Variants in GNL3 observed in about 807,000 individuals in gnomAD.
GNL3 encodes guanine nucleotide-binding protein-like 3.
A neutral mutation model predicts 70.6 loss-of-function variants in GNL3; 77 were observed. The ratio of observed to expected loss-of-function variants is 1.09; its 90% CI spans 0.91 to 1.32. The LOEUF (loss-of-function observed/expected upper bound fraction) is 1.32, where lower values mean the gene tolerates loss of function less well. GNL3 is among the 40% of genes most tolerant of loss of function. The probability of loss-of-function intolerance (pLI) is 0.00; values close to 1 mark genes in which losing one functional copy is unlikely to be tolerated. For synonymous variants in GNL3, 252 were observed against 216.1 expected, an observed-to-expected ratio of 1.17 and a Z score of -1.46; for missense variants, 634 against 644.0, an observed-to-expected ratio of 0.98 and a Z score of 0.17.
At chr3:52,685,995 G>A (rs997363748), upstream of GNL3, 22 of 773,158 alleles carry the variant, frequency 2.8e-5, no homozygotes, top group Non-Finnish European at 2.4e-5. Context: ...GCACTTTACG[G>A]CGGCAGCGTA....
chr3:52,688,669 G>T (rs2097324499), intron 5 of GNL3, among the ~76,000 whole-genome samples: 2 of 152,152 alleles, frequency 1.3e-5, no homozygotes, highest in South Asian at 4.1e-4. Context: ...GGACAACTTG[G>T]TGTAGTTGCT....
rs766319598 is a variant in GNL3 at position 52,693,454 on chromosome 3, C to T, written c.1234C>T (p.Pro412Ser). ...CCATCCCCCTACATCTTGGACTCCT[C>T]CTCCATATTTTAATGAGAGTATTGT... Reference protein sequence around the residue: ...YCHPPTSWTPPPYFNESIVVD... With the variant: ...YCHPPTSWTPSPYFNESIVVD... Residue 412 changes from proline (P) to serine (S), a missense_variant, in exon 12 of 15, where the codon CCT becomes TCT. Coordinates refer to ENST00000418458, the MANE Select transcript of GNL3 (RefSeq NM_014366.5). The T allele has an allele frequency of 4.3e-6, 7 of 1,613,924 alleles. No individual in the cohort carries two copies. The highest frequency in any genetic ancestry group is 1.7e-5 in the Admixed American group (1 of 60,020).
rs2154099858 is a variant in GNL3, at chr3:52,694,387, T to G, written c.*112T>G. The G allele has an allele frequency of 1.6e-6, 1 of 633,168 alleles. No homozygotes were observed. The highest frequency in any genetic ancestry group is 2.1e-5 in the South Asian group (1 of 47,906). The allele number at this position is 633,168 out of a possible 1,614,324, so 39.2% of individuals were successfully genotyped here. A position where few individuals can be genotyped will look rare whatever the true frequency, so the allele number is the denominator to read the frequency against. ...CTGTGTAAATTTTGTGAATATGTATTATATTAAAACCAGGCAACTTGGAAT... is the reference window on the plus strand; with the variant it reads ...CTGTGTAAATTTTGTGAATATGTATGATATTAAAACCAGGCAACTTGGAAT... On this transcript the variant is annotated 3_prime_UTR_variant, in exon 15 of 15. Coordinates refer to ENST00000418458, the MANE Select transcript of GNL3 (RefSeq NM_014366.5).
Position 52,693,308 on chromosome 3 carries a change from T to A in GNL3, c.1166T>A (p.Leu389Gln), listed in dbSNP as rs767060566. 2.4e-5 allele frequency: 39 copies of A among 1,614,092 alleles called. No individual in the cohort carries two copies. The Admixed American group carries it at 6.3e-4, about 26-fold the overall frequency. The change falls in exon 11 of 15, where the codon CTG becomes CAG. Residue 389 changes from leucine to glutamine, a missense_variant. Leu to Gln is a moderately radical substitution (Grantham distance 113, BLOSUM62 -2). Transcript: ENST00000418458. ...CCAAATGTTGAAGGTGCTGCCAAAC[T>A]GCTGTGGTCTGAGTGGACAGGGTAA... Reference protein sequence around the residue: ...GIPNVEGAAKLLWSEWTGASL... With the variant: ...GIPNVEGAAKQLWSEWTGASL...
chr3:52,691,487 T>A, intron 8 of GNL3, 55 bp from the exon 9 acceptor site: 2 of 1,052,534 alleles, frequency 1.9e-6, no homozygotes, highest in Admixed American at 3.6e-5. Flanking sequence ...AGTGAAAATT[T>A]CATAAGTGCC....
Position 52,686,687 on chromosome 3 carries a change from CAAG to C in GNL3, c.14-79_14-77del, listed in dbSNP as rs2097314051. The C allele has an allele frequency of 5.7e-6, 6 of 1,048,188 alleles. No individual in the cohort carries two copies. In the Admixed American group the frequency reaches 9.6e-5, roughly 17 times the overall value. 64.9% of individuals were successfully genotyped at this position (1,048,188 alleles called of 1,614,324 possible). A position where few individuals can be genotyped will look rare whatever the true frequency, so the allele number is the denominator to read the frequency against. On this transcript the variant is annotated intron_variant, in intron 1 of 14. Transcript: ENST00000418458. ...ACGTTAGGTTTGGTAGCCAATAACA[CAAG>C]AAAAGGATATAACTCCATAGTGCGT...
In GNL3 at chr3:52,693,222, T is replaced by A. The variant is rs753758837; in HGVS notation, c.1080T>A (p.Asn360Lys). 6.2e-7 allele frequency: 1 copy of A among 1,613,802 alleles called. No individual in the cohort carries two copies. The highest frequency in any genetic ancestry group is 2.2e-5 in the East Asian group (1 of 44,882). The change falls in exon 11 of 15, where the codon AAT becomes AAA. Residue 360 changes from asparagine to lysine, a missense_variant. Transcript: ENST00000418458. The stretch of plus-strand genomic sequence containing the variant: ...AATATACTGTCCCAGGCTACAGGAA[T>A]TCTCTGGAATTTTTTACTGTGCTTG... Reference protein sequence around the residue: ...VLKYTVPGYRNSLEFFTVLAQ... With the variant: ...VLKYTVPGYRKSLEFFTVLAQ...
At chr3:52,692,637 C>G (rs546839284) in intron 9 of GNL3, 1 of 640,810 alleles carries the variant, frequency 1.6e-6, no homozygotes, top group East Asian at 3.1e-5. Context: ...ATATTTATAG[C>G]AAAGGAAATA....
chr3:52,690,833 C>A, intron 7 of GNL3, 112 bp from the exon 8 acceptor site: 1 of 1,220,762 alleles, frequency 8.2e-7, no homozygotes, highest in South Asian at 1.3e-5. Flanking sequence ...CAGAGATCAT[C>A]TGAAAGGCAA....
chr3:52,686,628 G>A (rs1184568616), intron 1 of GNL3, 141 bp from the exon 2 acceptor site: 13 of 649,068 alleles, frequency 2.0e-5, no homozygotes, highest in Non-Finnish European at 3.0e-5. Flanking sequence ...AAAGTAGCAC[G>A]TATGTTTGCA....
intron 9 of GNL3, 137 bp downstream of exon 9, chr3:52,691,766 A>G: frequency 1.6e-6 from 1 of 610,928 alleles, no homozygotes; most frequent in Non-Finnish European, 2.9e-6. Context: ...GCAATGGCGC[A>G]ATCTCGGCTC....
chr3:52,687,986 A>C, intron 4 of GNL3, 123 bp from the exon 5 acceptor site: 1 of 689,436 alleles, frequency 1.5e-6, no homozygotes, highest in Non-Finnish European at 2.6e-6. Context: ...AAGACAACTG[A>C]GTTCAGACTC....
Position 52,689,222 on chromosome 3 carries a change from A to G in GNL3, c.541+16A>G. The G allele has an allele frequency of 6.2e-7, 1 of 1,609,342 alleles. No homozygotes were observed. The highest frequency in any genetic ancestry group is 8.5e-7 in the Non-Finnish European group (1 of 1,175,828). On this transcript the variant is annotated intron_variant, in intron 6 of 14. Coordinates refer to ENST00000418458, the MANE Select transcript of GNL3 (RefSeq NM_014366.5). ...AATAAATCAGGTGAGTAAAGAGGGT[A>G]CCCTTTGTCTTCTGTGTACATGGGT...
At chr3:52,690,569 G>C (rs1323328797) in intron 6 of GNL3, 23 bp from the exon 7 acceptor site, 2 of 1,398,580 alleles carry the variant, frequency 1.4e-6, no homozygotes, top group Non-Finnish European at 2.0e-6. Context: ...GGCCGCAAAT[G>C]TCTTATTTCT....
intron 1 of GNL3, 99 bp from the exon 2 acceptor site, chr3:52,686,670 T>G (rs1578561009): frequency 1.2e-6 from 1 of 868,528 alleles, no homozygotes; most frequent in East Asian, 2.4e-5. Context: ...TAACGTTAGG[T>G]TTGGTAGCCA....
Position 52,693,470 on chromosome 3 carries a change from A to C in GNL3, c.1250A>C (p.Glu417Ala). The C allele has an allele frequency of 1.9e-6, 3 of 1,613,940 alleles. No homozygotes were observed. In the South Asian group the frequency reaches 3.3e-5, roughly 18 times the overall value. ...TGGACTCCTCCTCCATATTTTAATG[A>C]GAGTATTGTGGTAGACATGAAAAGC... is the stretch of plus-strand genomic sequence containing the variant. ...TSWTPPPYFN[E>A]SIVVDMKSGF... Residue 417 changes from glutamate to alanine, a missense_variant, in exon 12 of 15, where the codon GAG (glutamate) becomes GCG (alanine). Coordinates refer to ENST00000418458, the MANE Select transcript of GNL3 (RefSeq NM_014366.5).
At chr3:52,690,453 C>T (rs568653542) in intron 6 of GNL3, 139 bp from the exon 7 acceptor site, 21 of 562,768 alleles carry the variant, frequency 3.7e-5, no homozygotes, top group South Asian at 2.7e-4. Flanking sequence ...TTAGTAGAGA[C>T]GGGGTTTTAT....
rs755134797 is a variant in GNL3 at position 52,693,227 on chromosome 3, T to C, written c.1085T>C (p.Leu362Pro). The change falls in exon 11 of 15, where the codon CTG (leucine) becomes CCG (proline). Residue 362 changes from leucine (L) to proline (P), a missense_variant. Transcript: ENST00000418458. The stretch of plus-strand genomic sequence containing the variant: ...ACTGTCCCAGGCTACAGGAATTCTC[T>C]GGAATTTTTTACTGTGCTTGCTCAG... ...KYTVPGYRNS[L>P]EFFTVLAQRR... 5.0e-6 allele frequency: 8 copies of C among 1,613,730 alleles called. No individual in the cohort carries two copies. The highest frequency in any genetic ancestry group is 2.2e-5 in the East Asian group (1 of 44,882).
At position 52,691,023 on chromosome 3, in the gene GNL3, G is replaced by C. The variant is rs369165908; in HGVS notation, c.733G>C (p.Gly245Arg). 1 of 1,613,744 alleles carries C rather than the reference G, an allele frequency of 6.2e-7. No individual in the cohort carries two copies. Among genetic ancestry groups the C allele is most frequent in the Non-Finnish European group, 8.5e-7 (1 of 1,179,662 alleles). ...GAAAGAGGGCCTTTGGAAACTTCTT[G>C]GAGGTTTTCAGGAAACTTGCAGCAA... ...FGKEGLWKLL[G>R]GFQETCSKAI... The change falls in exon 8 of 15, where the codon GGA becomes CGA. Residue 245 changes from glycine to arginine, a missense_variant. Coordinates refer to ENST00000418458, the MANE Select transcript of GNL3 (RefSeq NM_014366.5).
Sources: gnomAD v4.1 joint callset for allele counts (sites outside exome capture counted in the v4.1 genomes callset) on GRCh38, gnomAD v4.1.1 for gene constraint, MANE v1.5 for transcripts, NCBI Gene and HGNC (gene_info 2026-07-23, HGNC 2026-07-21) for gene names.